The following LPCAT1 variants were observed in gnomAD, a reference collection of about 807,000 sequenced individuals.
LPCAT1 encodes 1-acylglycerol-3-phosphate O-acyltransferase.
In LPCAT1, 23 loss-of-function variants were observed where a neutral mutation model predicts 60.9. That is an observed-to-expected ratio of 0.38 (90% confidence interval 0.27 to 0.53). LPCAT1 has a LOEUF of 0.53. Ranked by LOEUF, LPCAT1 falls within the 20% of genes least tolerant of loss-of-function variation. The pLI, the probability that LPCAT1 is intolerant of heterozygous loss-of-function variation, is 0.82. For missense variants in LPCAT1, 622 were observed against 723.6 expected, an observed-to-expected ratio of 0.86 and a Z score of 1.61; for synonymous variants, 340 against 301.1, an observed-to-expected ratio of 1.13 and a Z score of -1.34.
intron 1 of LPCAT1, among the ~76,000 whole-genome samples, chr5:1,512,632 C>T (rs1418178305): frequency 6.6e-6 from 1 of 152,132 alleles, no homozygotes; most frequent in Non-Finnish European, 1.5e-5. Flanking sequence ...TCCCTCGGGC[C>T]CCCTGAGCTA....
chr5:1,500,815 C>T (rs145905969), intron 2 of LPCAT1, among the ~76,000 whole-genome samples: 3 of 152,230 alleles, frequency 2.0e-5, no homozygotes, highest in Non-Finnish European at 4.4e-5. Context: ...TGGCCACCTG[C>T]CCCCCGAGCA....
At position 1,477,492 on chromosome 5, in the gene LPCAT1, C is replaced by G. The variant is rs1437704664; in HGVS notation, c.817-6G>C. 4 of 1,609,348 alleles carry G rather than the reference C, an allele frequency of 2.5e-6. No homozygotes were observed. The African/African-American group carries it at 4.0e-5, about 16-fold the overall frequency. On this transcript the variant is annotated splice_region_variant and splice_polypyrimidine_tract_variant and intron_variant, in intron 8 of 13. Transcript: ENST00000283415. The surrounding 1 kb of genome is among the most constrained non-coding windows in gnomAD (Gnocchi z 6.0). Reference sequence around the variant, plus strand: ...GGGCTGTACACAGGAAGGAACTGAGCACACAGAGAAGCTGCGTTAGTATCA... The same window carrying G: ...GGGCTGTACACAGGAAGGAACTGAGGACACAGAGAAGCTGCGTTAGTATCA...
chr5:1,506,256 C>T (rs1035484090), intron 1 of LPCAT1, among the ~76,000 whole-genome samples: 2 of 152,156 alleles, frequency 1.3e-5, no homozygotes, highest in Non-Finnish European at 2.9e-5. Flanking sequence ...GTGAAGAGCC[C>T]GGGCATCTCC....
intron 5 of LPCAT1, among the ~76,000 whole-genome samples, chr5:1,486,779 G>A (rs1254126124): frequency 6.6e-6 from 1 of 152,126 alleles, no homozygotes; most frequent in Non-Finnish European, 1.5e-5. Context: ...CACGTGACTC[G>A]AGGCAGCCGG....
At chr5:1,478,648 G>A (rs1246699689) in intron 8 of LPCAT1, among the ~76,000 whole-genome samples, 2 of 152,398 alleles carry the variant, frequency 1.3e-5, no homozygotes, top group East Asian at 1.9e-4. Flanking sequence ...CCTCTGTAAT[G>A]AGAGCAGCTT....
At chr5:1,494,417 G>T (rs112236066) in intron 3 of LPCAT1, among the ~76,000 whole-genome samples, 20,937 of 151,348 alleles carry the variant, frequency 0.14, 1,626 homozygotes, top group Middle Eastern at 0.18. Context: ...AGCGTGGTGG[G>T]GGGGGGGTCC....
At chr5:1,494,438 G>A (rs1488445384) in intron 3 of LPCAT1, among the ~76,000 whole-genome samples, 1 of 151,474 alleles carries the variant, frequency 6.6e-6, no homozygotes, top group Non-Finnish European at 1.5e-5. Context: ...CTCACTCCCG[G>A]TAGGGAGGGT....
intron 13 of LPCAT1, among the ~76,000 whole-genome samples, chr5:1,465,513 GCACA>G (rs150678432): frequency 1.4e-5 from 2 of 148,126 alleles, no homozygotes; most frequent in African/African-American, 5.1e-5. Flanking sequence ...AAACACGTGT[GCACA>G]CACACAAAAC....
At position 1,463,511 on chromosome 5, in the gene LPCAT1, C is replaced by G. The variant is rs1186298271; in HGVS notation, c.*140G>C. On this transcript the variant is annotated 3_prime_UTR_variant, in exon 14 of 14. Transcript: ENST00000283415. ...CACAAAGGAACAAGATACAAACAGC[C>G]CCCGAGGCCCCTGGAACTCGGGCTG... 1.2e-6 allele frequency: 1 copy of G among 835,508 alleles called. No individual in the cohort carries two copies. Among genetic ancestry groups the G allele is most frequent in the Non-Finnish European group, 1.8e-6 (1 of 544,962 alleles). 51.8% of individuals were successfully genotyped at this position (835,508 alleles called of 1,614,324 possible).
rs146849012 is a variant in LPCAT1 at position 1,479,351 on chromosome 5, G to A, written c.816+270C>T. On this transcript the variant is annotated intron_variant, in intron 8 of 13. Coordinates refer to ENST00000283415, the MANE Select transcript of LPCAT1 (RefSeq NM_024830.5). ...GAGCCCATCGCTACACTCCAGCCTG[G>A]GCAACAGAGCAAGACAAAATGCTGT... 1.5e-3 allele frequency: 746 copies of A among 495,772 alleles called. 6 individuals carry two copies. The highest frequency in any genetic ancestry group is 0.013 in the African/African-American group (674 of 52,090). 30.7% of individuals were successfully genotyped at this position (495,772 alleles called of 1,614,324 possible).
intron 11 of LPCAT1, among the ~76,000 whole-genome samples, chr5:1,473,207 C>T (rs534784703): frequency 2.6e-5 from 4 of 152,308 alleles, no homozygotes; most frequent in South Asian, 4.1e-4. Flanking sequence ...TGCTGTCACA[C>T]GGGACATCTC....
intron 4 of LPCAT1, among the ~76,000 whole-genome samples, chr5:1,489,043 T>C (rs999500389): frequency 3.3e-5 from 5 of 152,230 alleles, no homozygotes; most frequent in Admixed American, 3.3e-4. Flanking sequence ...CTTTCAGTTC[T>C]GGGCCCCGTG....
In LPCAT1 at chr5:1,495,163, G is replaced by A. The variant is rs565785257; in HGVS notation, c.279-249C>T. Among the ~76,000 whole-genome samples the A allele has an allele frequency of 1.3e-5, 2 of 152,200 alleles. No homozygotes were observed. Among genetic ancestry groups the A allele is most frequent in the Non-Finnish European group, 2.9e-5 (2 of 68,042 alleles). ...CCGCGGGGCCCTGTGTGGTGGTCAC[G>A]GGCCACGCGGCAGGCAGTGCTAAGA... is the stretch of plus-strand genomic sequence containing the variant. On this transcript the variant is annotated intron_variant, in intron 2 of 13. Coordinates refer to ENST00000283415, the MANE Select transcript of LPCAT1 (RefSeq NM_024830.5). This position sits in a 1 kb window ranked among gnomAD's most constrained non-coding sequence, Gnocchi z 4.7.
rs865874759 is a variant in LPCAT1, at chr5:1,487,886, A to T, written c.667+505T>A. On this transcript the variant is annotated intron_variant, in intron 5 of 13. Transcript: ENST00000283415. This position sits in a 1 kb window ranked among gnomAD's most constrained non-coding sequence, Gnocchi z 6.1. ...GTCAGGGGTGCAGACACAATACTAGACCCAGGTAACCGCCGCGGGAGAGAC... is the reference window on the plus strand; with the variant it reads ...GTCAGGGGTGCAGACACAATACTAGTCCCAGGTAACCGCCGCGGGAGAGAC... 5.3e-4 allele frequency among the ~76,000 whole-genome samples: 80 copies of T among 152,060 alleles called. No individual in the cohort carries two copies. Among genetic ancestry groups the T allele is most frequent in the African/African-American group, 1.8e-3 (75 of 41,444 alleles).
At chr5:1,512,293 C>T (rs369326939) in intron 1 of LPCAT1, among the ~76,000 whole-genome samples, 21 of 152,304 alleles carry the variant, frequency 1.4e-4, no homozygotes, top group African/African-American at 4.6e-4. Flanking sequence ...GCCGCTGGGC[C>T]GGCCACACCC....
At chr5:1,514,360 G>A (rs1414113460) in intron 1 of LPCAT1, among the ~76,000 whole-genome samples, 2 of 152,202 alleles carry the variant, frequency 1.3e-5, no homozygotes, top group African/African-American at 4.8e-5. Context: ...GCAGGTGCAC[G>A]GGCCTCACAG....
intron 1 of LPCAT1, among the ~76,000 whole-genome samples, chr5:1,519,473 T>C (rs530735798): frequency 7.2e-5 from 11 of 152,306 alleles, no homozygotes; most frequent in African/African-American, 2.4e-4. Context: ...GTTTCACGAG[T>C]GCGTCATTCG....
At chr5:1,466,389 C>T (rs1734405345) in intron 13 of LPCAT1, among the ~76,000 whole-genome samples, 1 of 152,134 alleles carries the variant, frequency 6.6e-6, no homozygotes, top group South Asian at 2.1e-4. Context: ...GTGAGCCACA[C>T]CCCGGCTGGC....
intron 5 of LPCAT1, among the ~76,000 whole-genome samples, chr5:1,488,004 G>A (rs1299841194): frequency 2.0e-5 from 3 of 152,124 alleles, no homozygotes; most frequent in Non-Finnish European, 4.4e-5. Context: ...AGGATGGCTC[G>A]CAGGGATTTG....
Sources: gnomAD v4.1 joint callset for allele counts (sites outside exome capture counted in the v4.1 genomes callset) on GRCh38, gnomAD v4.1.1 for gene constraint, Gnocchi (gnomAD v3.1) non-coding constraint, MANE v1.5 for transcripts, NCBI Gene and HGNC (gene_info 2026-07-23, HGNC 2026-07-21) for gene names.